L3MBTL4: variants seen among roughly 807,000 people sequenced by gnomAD.
L3MBTL4 encodes lethal(3)malignant brain tumor-like protein 4.
A neutral mutation model predicts 84.5 loss-of-function variants in L3MBTL4; 70 were observed. That is an observed-to-expected ratio of 0.83 (90% confidence interval 0.68 to 1.01). The LOEUF (loss-of-function observed/expected upper bound fraction) is 1.01, where lower values mean the gene tolerates loss of function less well. Ranked by LOEUF, L3MBTL4 falls within the 50% of genes least tolerant of loss-of-function variation. L3MBTL4 has a pLI of 0.00. For missense variants in L3MBTL4, 715 were observed against 754.8 expected, an observed-to-expected ratio of 0.95 and a Z score of 0.62; for synonymous variants, 274 against 259.8, an observed-to-expected ratio of 1.05 and a Z score of -0.52.
At chr18:6,060,570 A>G (rs2057179254) in intron 16 of L3MBTL4, among the ~76,000 whole-genome samples, 1 of 152,112 alleles carries the variant, frequency 6.6e-6, no homozygotes, top group Non-Finnish European at 1.5e-5. Context: ...TTAATGTACC[A>G]ATATTGATAT....
intron 14 of L3MBTL4, among the ~76,000 whole-genome samples, chr18:6,124,890 A>C (rs1486655424): frequency 6.6e-6 from 1 of 152,198 alleles, no homozygotes; most frequent in East Asian, 1.9e-4. Context: ...ATTGCTTTAA[A>C]AATGGAAGGA....
intron 14 of L3MBTL4, among the ~76,000 whole-genome samples, chr18:6,117,240 G>C (rs2059387825): frequency 6.6e-6 from 1 of 152,194 alleles, no homozygotes; most frequent in South Asian, 2.1e-4. Context: ...GTCAGAGACT[G>C]GCATGAAACA....
chr18:6,239,997 G>T, intron 8 of L3MBTL4, 125 bp from the exon 9 acceptor site: 2 of 857,484 alleles, frequency 2.3e-6, no homozygotes, highest in Non-Finnish European at 3.6e-6. Context: ...TTAGCCTCTG[G>T]ACAAAGCCAT....
intron 16 of L3MBTL4, among the ~76,000 whole-genome samples, chr18:5,997,631 C>A (rs1269649139): frequency 6.6e-6 from 1 of 152,146 alleles, no homozygotes; most frequent in Admixed American, 6.5e-5. Context: ...GTTGTCCCAC[C>A]TTTCCAGACG....
chr18:6,256,734 G>C (rs1414854587), intron 5 of L3MBTL4: 1 of 152,184 alleles, frequency 6.6e-6, no homozygotes, highest in Admixed American at 6.5e-5. Flanking sequence ...GGAACAACGT[G>C]ACCCACTAAG....
At chr18:6,136,458 CT>C (rs1038786306) in intron 14 of L3MBTL4, among the ~76,000 whole-genome samples, 2 of 152,222 alleles carry the variant, frequency 1.3e-5, no homozygotes, top group African/African-American at 4.8e-5. Context: ...CCCTCACCCC[CT>C]GCTTTTCTGC....
intron 1 of L3MBTL4, among the ~76,000 whole-genome samples, chr18:6,329,763 A>T (rs73389612): frequency 7.3e-4 from 111 of 152,172 alleles, no homozygotes; most frequent in African/African-American, 2.5e-3. Context: ...ATAACCCATT[A>T]ATCCATTCAC....
rs1314881237 is a variant in L3MBTL4, at chr18:6,193,922, G to T, written c.981+19227C>A. Among the ~76,000 whole-genome samples the T allele has an allele frequency of 2.6e-5, 4 of 152,306 alleles. No homozygotes were observed. The East Asian group carries it at 5.8e-4, about 22-fold the overall frequency. On this transcript the variant is annotated intron_variant, in intron 12 of 18. Transcript: ENST00000317931. ...CACCAGGGAATAGCAGGACAAATGA[G>T]TCTTCCAACTTGCTAATATATAATA...
intron 16 of L3MBTL4, chr18:6,031,894 T>C: frequency 1.2e-5 from 11 of 952,978 alleles, no homozygotes; most frequent in Non-Finnish European, 1.4e-5. Context: ...TGATGAAGCC[T>C]GGGCTTTTAG....
intron 12 of L3MBTL4, among the ~76,000 whole-genome samples, chr18:6,175,204 G>C (rs888850529): frequency 6.6e-6 from 1 of 152,160 alleles, no homozygotes; most frequent in African/African-American, 2.4e-5. Context: ...ACATTGCAAA[G>C]AGCAGAGCCA....
rs201508906 is a variant in L3MBTL4, at chr18:6,116,768, T to TA, written c.1199+21425dup. ...ATCCCAAATAAAAAGGCATAATACA[T>TA]ACGCATGCTGTTTATAACATAATTA... On this transcript the variant is annotated intron_variant, in intron 14 of 18. Transcript: ENST00000317931. Among the ~76,000 whole-genome samples the TA allele has an allele frequency of 8.7e-4, 133 of 152,344 alleles. No homozygotes were observed. The East Asian group carries it at 0.025, about 28-fold the overall frequency.
chr18:6,171,859 A>G lies in L3MBTL4; in HGVS notation c.1065T>C (p.Asp355=), dbSNP rs1172246668. ...SPDIHPIGWC[D]VTGHPLEVPQ... is the part of the protein sequence containing the mutation. ...GCACTTCCAGTGGATGCCCTGTGAC[A>G]TCACACCATCCGATCGGGTGGATAT... Residue 355 remains aspartate (D), a synonymous_variant, in exon 13 of 19, where the codon GAT becomes GAC. Coordinates refer to ENST00000317931, the MANE Select transcript of L3MBTL4 (RefSeq NM_001330559.2). The G allele has an allele frequency of 6.4e-7, 1 of 1,552,470 alleles. No individual in the cohort carries two copies. Among genetic ancestry groups the G allele is most frequent in the South Asian group, 1.2e-5 (1 of 84,078 alleles).
Position 6,414,232 on chromosome 18 carries a change from G to A in L3MBTL4, c.-91+569C>T, listed in dbSNP as rs2056094652. On this transcript the variant is annotated intron_variant, in intron 1 of 18. Transcript: ENST00000317931. The surrounding 1 kb of genome is among the most constrained non-coding windows in gnomAD (Gnocchi z 5.4). ...CTCCCGAGGCTGGGCAGAACTCGCAGAGGAAGACAAGGGCAGAAAGCGGGT... is the reference window on the plus strand; with the variant it reads ...CTCCCGAGGCTGGGCAGAACTCGCAAAGGAAGACAAGGGCAGAAAGCGGGT... 2 of 152,480 alleles carry A rather than the reference G, an allele frequency of 1.3e-5. No individual in the cohort carries two copies. Among genetic ancestry groups the A allele is most frequent in the Admixed American group, 1.3e-4 (2 of 15,296 alleles). The allele number at this position is 152,480 out of a possible 1,614,324, so 9.4% of individuals were successfully genotyped here.
intron 16 of L3MBTL4, chr18:6,046,751 A>C: frequency 1.3e-6 from 1 of 775,362 alleles, no homozygotes. Context: ...ATGCAGCACA[A>C]GCACTGTGAA....
chr18:6,256,247 T>C (rs1028266605), intron 5 of L3MBTL4, among the ~76,000 whole-genome samples: 1 of 152,180 alleles, frequency 6.6e-6, no homozygotes, highest in Non-Finnish European at 1.5e-5. Flanking sequence ...ATTTAATGTA[T>C]AGGCATAGAT....
chr18:6,081,176 C>A, intron 15 of L3MBTL4: 1 of 403,318 alleles, frequency 2.5e-6, no homozygotes. Context: ...GCCTTTCCCC[C>A]CTCATTCTAT....
At chr18:6,299,860 T>G (rs2050258755) in intron 4 of L3MBTL4, among the ~76,000 whole-genome samples, 1 of 152,014 alleles carries the variant, frequency 6.6e-6, no homozygotes, top group South Asian at 2.1e-4. Flanking sequence ...GTGGTAGAGA[T>G]GGGGTTTCAC....
intron 1 of L3MBTL4, among the ~76,000 whole-genome samples, chr18:6,401,306 A>T (rs2055501426): frequency 6.6e-6 from 1 of 152,212 alleles, no homozygotes; most frequent in Non-Finnish European, 1.5e-5. Context: ...GTTTATAGAT[A>T]TCACCAAGTA....
intron 4 of L3MBTL4, among the ~76,000 whole-genome samples, chr18:6,274,129 C>G (rs1327244563): frequency 6.6e-6 from 1 of 152,152 alleles, no homozygotes; most frequent in Non-Finnish European, 1.5e-5. Context: ...AAAGGTTTCC[C>G]AAACCATGTT....
Sources: allele counts gnomAD v4.1 joint callset (sites outside exome capture counted in the v4.1 genomes callset), GRCh38; gene constraint gnomAD v4.1.1; non-coding constraint Gnocchi (gnomAD v3.1); transcripts MANE v1.5; gene names NCBI Gene and HGNC (gene_info 2026-07-23, HGNC 2026-07-21).